Variants in LMTK2 observed in about 807,000 individuals in gnomAD.
LMTK2 encodes the protein serine/threonine-protein kinase LMTK2.
A neutral mutation model predicts 127.5 loss-of-function variants in LMTK2; 37 were observed. The observed-to-expected ratio is 0.29, with a 90% CI of 0.22 to 0.38. The LOEUF is 0.38. Ranked by LOEUF, LMTK2 falls within the 10% of genes least tolerant of loss-of-function variation. The pLI is 1.00. For missense variants in LMTK2, 1,694 were observed against 1,920.3 expected, an observed-to-expected ratio of 0.88 and a Z score of 2.20; for synonymous variants, 819 against 810.1, an observed-to-expected ratio of 1.01 and a Z score of -0.19.
At chr7:98,201,048 A>AT (rs999502977) in intron 11 of LMTK2, among the ~76,000 whole-genome samples, 39 of 150,142 alleles carry the variant, frequency 2.6e-4, no homozygotes, top group South Asian at 2.1e-4. Flanking sequence ...TTAAAAACCC[A>AT]TTTTTTTGCA....
chr7:98,115,180 C>G (rs923507845), intron 1 of LMTK2, among the ~76,000 whole-genome samples: 7 of 151,966 alleles, frequency 4.6e-5, no homozygotes, highest in African/African-American at 1.4e-4. Flanking sequence ...GGTGGGAGGT[C>G]GAGGTGGGTG....
chr7:98,188,184 C>G (rs1159293787), intron 9 of LMTK2, among the ~76,000 whole-genome samples: 1 of 152,124 alleles, frequency 6.6e-6, no homozygotes, highest in African/African-American at 2.4e-5. Flanking sequence ...CAAGTAATCA[C>G]TCTTCTACTC....
intron 3 of LMTK2, among the ~76,000 whole-genome samples, chr7:98,150,122 A>G (rs1796831489): frequency 6.6e-6 from 1 of 152,096 alleles, no homozygotes; most frequent in Admixed American, 6.5e-5. Flanking sequence ...AGCCTGGTCA[A>G]TATGGTGAAA....
In LMTK2 at chr7:98,206,744, G is replaced by A. The variant is rs1025465052; in HGVS notation, c.*1252G>A. 6 of 152,234 alleles carry A rather than the reference G, an allele frequency of 3.9e-5. No homozygotes were observed. Among genetic ancestry groups the A allele is most frequent in the Non-Finnish European group, 7.3e-5 (5 of 68,140 alleles). 9.4% of individuals were successfully genotyped at this position (152,234 alleles called of 1,614,324 possible). On this transcript the variant is annotated 3_prime_UTR_variant, in exon 14 of 14. Transcript: ENST00000297293. ...CCTCCACAGCCGAATCTTCTCCTCC[G>A]AGCCACTCCACGTCACGTCCAGCTG...
At chr7:98,120,535 G>T (rs563937384) in intron 1 of LMTK2, among the ~76,000 whole-genome samples, 21 of 152,274 alleles carry the variant, frequency 1.4e-4, no homozygotes, top group Non-Finnish European at 2.1e-4. Flanking sequence ...CTAAAGTGTT[G>T]TGATCTATTG....
At position 98,208,430 on chromosome 7, in the gene LMTK2, G is replaced by A. The variant is rs1201265864; in HGVS notation, c.*2938G>A. The A allele has an allele frequency of 2.6e-5, 4 of 152,140 alleles. No individual in the cohort carries two copies. Among genetic ancestry groups the A allele is most frequent in the African/African-American group, 9.7e-5 (4 of 41,426 alleles). 9.4% of individuals were successfully genotyped at this position (152,140 alleles called of 1,614,324 possible). Reference sequence around the variant, plus strand: ...TTAACTAATAAGTTGGTTATCAGTGGTGGGTTTTCAAAATGTACTTGTTCT... The same window carrying A: ...TTAACTAATAAGTTGGTTATCAGTGATGGGTTTTCAAAATGTACTTGTTCT... On this transcript the variant is annotated 3_prime_UTR_variant, in exon 14 of 14. Coordinates refer to ENST00000297293, the MANE Select transcript of LMTK2 (RefSeq NM_014916.4).
chr7:98,173,023 G>T (rs1173648865), intron 7 of LMTK2, among the ~76,000 whole-genome samples: 3 of 152,206 alleles, frequency 2.0e-5, no homozygotes, highest in Non-Finnish European at 4.4e-5. Flanking sequence ...CTCCCGAAGT[G>T]CCAGGATTAC....
chr7:98,176,702 C>A (rs1797282505), intron 7 of LMTK2, among the ~76,000 whole-genome samples: 1 of 152,094 alleles, frequency 6.6e-6, no homozygotes, highest in Non-Finnish European at 1.5e-5. Flanking sequence ...AAAAAATTAG[C>A]CAGGCGTGGT....
intron 7 of LMTK2, among the ~76,000 whole-genome samples, chr7:98,179,060 C>A (rs964640439): frequency 6.6e-6 from 1 of 152,250 alleles, no homozygotes; most frequent in Non-Finnish European, 1.5e-5. Context: ...CTCACCACCT[C>A]TGGGTTTCAG....
chr7:98,130,160 A>G (rs1293842683), intron 1 of LMTK2, among the ~76,000 whole-genome samples: 2 of 152,134 alleles, frequency 1.3e-5, no homozygotes, highest in African/African-American at 4.8e-5. Flanking sequence ...GAGGGTCATC[A>G]TAGCTCATAG....
chr7:98,107,537 G>A (rs1224052045), intron 1 of LMTK2, among the ~76,000 whole-genome samples: 1 of 152,264 alleles, frequency 6.6e-6, no homozygotes, highest in Non-Finnish European at 1.5e-5. Context: ...ATAGGCTGCG[G>A]TGCCGGCCCT....
At chr7:98,201,810 G>A (rs1004031000) in intron 11 of LMTK2, among the ~76,000 whole-genome samples, 1 of 152,072 alleles carries the variant, frequency 6.6e-6, no homozygotes, top group African/African-American at 2.4e-5. Flanking sequence ...GCATCTCACT[G>A]TGTTGCCCAG....
Position 98,154,844 on chromosome 7 carries a change from A to T in LMTK2, c.537A>T (p.Gln179His), listed in dbSNP as rs1467127914. ...ELKASANPKE[Q>H]DTFLKNGEPY... ...AAGCAAGTGCCAACCCAAAGGAACA[A>T]GATACTTTTTTGAAAAATGGAGAAC... is the stretch of plus-strand genomic sequence containing the variant. Residue 179 changes from glutamine (Q) to histidine (H), a missense_variant, in exon 5 of 14, where the codon CAA becomes CAT. Physicochemically the swap from Gln to His is conservative, Grantham distance 24. Transcript: ENST00000297293. 1 of 1,612,770 alleles carries T rather than the reference A, an allele frequency of 6.2e-7. No individual in the cohort carries two copies. Among genetic ancestry groups the T allele is most frequent in the South Asian group, 1.1e-5 (1 of 91,056 alleles).
intron 1 of LMTK2, among the ~76,000 whole-genome samples, chr7:98,114,296 A>C (rs1039546160): frequency 1.4e-5 from 2 of 147,484 alleles, no homozygotes; most frequent in Admixed American, 1.4e-4. Flanking sequence ...GCTGGAATGC[A>C]GTGGTGCAGT....
At chr7:98,185,951 A>G (rs73151155) in intron 8 of LMTK2, among the ~76,000 whole-genome samples, 183 of 152,220 alleles carry the variant, frequency 1.2e-3, no homozygotes, top group Non-Finnish European at 1.8e-3. Flanking sequence ...AATATTTTCA[A>G]AAAATATTAT....
At chr7:98,202,506 A>G (rs187149293) in intron 11 of LMTK2, among the ~76,000 whole-genome samples, 241 of 152,268 alleles carry the variant, frequency 1.6e-3, no homozygotes, top group African/African-American at 5.5e-3. Flanking sequence ...TCCTCCTATC[A>G]TGTTAGGCAG....
chr7:98,175,284 T>C (rs779885643), intron 7 of LMTK2, among the ~76,000 whole-genome samples: 1 of 152,194 alleles, frequency 6.6e-6, no homozygotes, highest in Non-Finnish European at 1.5e-5. Context: ...TCAGAATTTC[T>C]GGAGAAGGGA....
At chr7:98,170,806 A>G (rs1178963655) in intron 6 of LMTK2, among the ~76,000 whole-genome samples, 1 of 152,184 alleles carries the variant, frequency 6.6e-6, no homozygotes, top group African/African-American at 2.4e-5. Context: ...TGAAATAAAG[A>G]CAGCGTAACA....
In LMTK2 at chr7:98,186,973, G is replaced by A. The variant is rs749739762; in HGVS notation, c.973G>A (p.Asp325Asn). 3.2e-5 allele frequency: 51 copies of A among 1,613,750 alleles called. No individual in the cohort carries two copies. Among genetic ancestry groups the A allele is most frequent in the East Asian group, 6.7e-5 (3 of 44,880 alleles). Residue 325 changes from aspartate to asparagine, a missense_variant, in exon 9 of 14, where the codon GAT becomes AAT. Physicochemically the swap from Asp to Asn is conservative, Grantham distance 23. Coordinates refer to ENST00000297293, the MANE Select transcript of LMTK2 (RefSeq NM_014916.4). ...TSFQDRLLTA[D>N]QTKYSNIWSL... is the part of the protein sequence containing the mutation. ...CTTTCAAGACAGACTGCTAACTGCA[G>A]ATCAGACTAAGTATAGTAATATCTG...
Sources: gnomAD v4.1 joint callset for allele counts (sites outside exome capture counted in the v4.1 genomes callset) on GRCh38, gnomAD v4.1.1 for gene constraint, MANE v1.5 for transcripts, NCBI Gene and HGNC (gene_info 2026-07-23, HGNC 2026-07-21) for gene names.